The following AGBL4 variants were observed in gnomAD, a reference collection of about 807,000 sequenced individuals.
The protein encoded by AGBL4 is cytosolic carboxypeptidase 6.
AGBL4 carries 58 observed loss-of-function variants against 66.4 expected under a neutral mutation model. The ratio of observed to expected loss-of-function variants is 0.87; its 90% confidence interval spans 0.71 to 1.09. The LOEUF (loss-of-function observed/expected upper bound fraction) is 1.09. Among genes scored for constraint, AGBL4 ranks in the 50% least tolerant of loss-of-function variants. AGBL4 has a pLI of 0.00. For synonymous variants in AGBL4, 234 were observed against 222.9 expected (o/e 1.05, Z -0.44); for missense variants, 579 against 631.0 (o/e 0.92, Z 0.88).
In AGBL4 at chr1:48,533,541, C is replaced by G. The variant is rs374248840; in HGVS notation, c.*632G>C. On this transcript the variant is annotated 3_prime_UTR_variant, in exon 14 of 14. Coordinates refer to ENST00000371839, the MANE Select transcript of AGBL4 (RefSeq NM_032785.4). ...AGAGCTAAAATTTTAATTAAACTACCGAGGAAATTGGGAAACAGCTCTCAA... is the reference window on the plus strand; with the variant it reads ...AGAGCTAAAATTTTAATTAAACTACGGAGGAAATTGGGAAACAGCTCTCAA... 6.6e-6 allele frequency: 1 copy of G among 152,508 alleles called. No homozygotes were observed. Among genetic ancestry groups the G allele is most frequent in the Non-Finnish European group, 1.5e-5 (1 of 68,418 alleles). The allele number at this position is 152,508 out of a possible 1,614,324, so 9.4% of individuals were successfully genotyped here. A position where few individuals can be genotyped will look rare whatever the true frequency, so the allele number is the denominator to read the frequency against.
intron 1 of AGBL4, among the ~76,000 whole-genome samples, chr1:49,917,058 C>T (rs1003120229): frequency 5.9e-5 from 9 of 152,122 alleles, no homozygotes; most frequent in Admixed American, 1.3e-4. Flanking sequence ...CACCACCAGG[C>T]CTGCCCAACA....
intron 1 of AGBL4, among the ~76,000 whole-genome samples, chr1:49,885,303 A>G (rs1052776174): frequency 1.3e-5 from 2 of 152,018 alleles, no homozygotes; most frequent in Non-Finnish European, 2.9e-5. Flanking sequence ...ACAAATTCTC[A>G]GCCAAAAGGA....
chr1:49,960,717 T>G (rs980904305), intron 1 of AGBL4, among the ~76,000 whole-genome samples: 10 of 152,076 alleles, frequency 6.6e-5, no homozygotes, highest in Admixed American at 6.6e-4. Flanking sequence ...TTTATTTAAT[T>G]TTTAAAATTT....
At chr1:49,666,006 T>A (rs1241810372) in intron 3 of AGBL4, among the ~76,000 whole-genome samples, 6 of 151,704 alleles carry the variant, frequency 4.0e-5, no homozygotes, top group South Asian at 4.1e-4. Context: ...TTTAAAATTT[T>A]TAAAAAATTT....
At chr1:49,449,269 G>A (rs1379779273) in intron 3 of AGBL4, among the ~76,000 whole-genome samples, 2 of 152,012 alleles carry the variant, frequency 1.3e-5, no homozygotes, top group Non-Finnish European at 2.9e-5. Flanking sequence ...GATATACTGT[G>A]TTACATGAGA....
At chr1:48,748,792 C>T (rs530380582) in intron 6 of AGBL4, among the ~76,000 whole-genome samples, 11 of 151,968 alleles carry the variant, frequency 7.2e-5, no homozygotes, top group Admixed American at 2.0e-4. Context: ...TTGATGGATG[C>T]GCGACATCTT....
At chr1:49,985,873 C>T (rs1557640954) in intron 1 of AGBL4, among the ~76,000 whole-genome samples, 1 of 151,900 alleles carries the variant, frequency 6.6e-6, no homozygotes, top group Non-Finnish European at 1.5e-5. Context: ...AGATAAATAC[C>T]TGAGGTTTAA....
intron 3 of AGBL4, among the ~76,000 whole-genome samples, chr1:49,593,062 G>A (rs772539398): frequency 9.9e-5 from 15 of 152,080 alleles, no homozygotes; most frequent in Admixed American, 2.6e-4. Flanking sequence ...TTGCACATGC[G>A]TAAAATCACT....
chr1:49,642,654 G>A (rs754131762), intron 3 of AGBL4, among the ~76,000 whole-genome samples: 7 of 151,852 alleles, frequency 4.6e-5, no homozygotes, highest in Non-Finnish European at 7.4e-5. Context: ...ATGAAAAACC[G>A]TTCCTGTCCT....
chr1:50,004,103 A>G (rs1034306084), intron 1 of AGBL4, among the ~76,000 whole-genome samples: 1 of 152,248 alleles, frequency 6.6e-6, no homozygotes, highest in Non-Finnish European at 1.5e-5. Context: ...CACATGGCAC[A>G]GAAAAAGAAT....
rs150864385 is a variant in AGBL4, at chr1:49,447,015, C to T, written c.283-201151G>A. The stretch of plus-strand genomic sequence containing the variant: ...GCCACCAGTTGGGTCACAGTCACCA[C>T]TCACAGCCTCTTACAGGCAGCCCTC... On this transcript the variant is annotated intron_variant, in intron 3 of 13. Transcript: ENST00000371839. Among the ~76,000 whole-genome samples the T allele has an allele frequency of 8.5e-3, 1,296 of 152,272 alleles. 19 individuals carry two copies. Among genetic ancestry groups the T allele is most frequent in the African/African-American group, 0.029 (1,225 of 41,564 alleles).
chr1:48,798,502 T>C (rs1455311671), intron 6 of AGBL4, among the ~76,000 whole-genome samples: 2 of 152,222 alleles, frequency 1.3e-5, no homozygotes, highest in Non-Finnish European at 2.9e-5. Flanking sequence ...TCCATTTATC[T>C]TTGCTTTTAT....
chr1:49,604,442 G>T (rs1645026578), intron 3 of AGBL4, among the ~76,000 whole-genome samples: 1 of 152,094 alleles, frequency 6.6e-6, no homozygotes, highest in African/African-American at 2.4e-5. Context: ...ATGCTGATTT[G>T]TTTGAGTTCC....
At chr1:49,427,806 T>A (rs1645698011) in intron 3 of AGBL4, among the ~76,000 whole-genome samples, 1 of 152,244 alleles carries the variant, frequency 6.6e-6, no homozygotes, top group Non-Finnish European at 1.5e-5. Context: ...CAGCTTTTAT[T>A]CCCTTATTTG....
At chr1:48,925,706 G>C (rs1654495478) in intron 5 of AGBL4, among the ~76,000 whole-genome samples, 1 of 152,088 alleles carries the variant, frequency 6.6e-6, no homozygotes, top group African/African-American at 2.4e-5. Flanking sequence ...GAATATTTTT[G>C]ATCTGTAGTT....
chr1:48,639,271 A>T (rs1557845899), intron 8 of AGBL4, among the ~76,000 whole-genome samples: 1 of 152,212 alleles, frequency 6.6e-6, no homozygotes, highest in African/African-American at 2.4e-5. Context: ...GCTGATTTTA[A>T]ATGAATGCTT....
intron 3 of AGBL4, among the ~76,000 whole-genome samples, chr1:49,265,062 T>G (rs1479718656): frequency 2.6e-5 from 4 of 152,214 alleles, no homozygotes; most frequent in African/African-American, 9.7e-5. Context: ...CTTAAAATAT[T>G]TTCATGTTTT....
chr1:49,452,047 A>T (rs1419236613), intron 3 of AGBL4, among the ~76,000 whole-genome samples: 1 of 151,782 alleles, frequency 6.6e-6, no homozygotes, highest in Admixed American at 6.6e-5. Flanking sequence ...TCTGGATTCC[A>T]GTTGGTCCAG....
chr1:49,781,686 C>T (rs1644340934), intron 2 of AGBL4, among the ~76,000 whole-genome samples: 1 of 152,076 alleles, frequency 6.6e-6, no homozygotes, highest in Admixed American at 6.6e-5. Context: ...GCAGAGTATA[C>T]AATTTCACGA....
Sources: allele counts gnomAD v4.1 joint callset (sites outside exome capture counted in the v4.1 genomes callset), GRCh38; gene constraint gnomAD v4.1.1; transcripts MANE v1.5; gene names NCBI Gene and HGNC (gene_info 2026-07-23, HGNC 2026-07-21).